SMG6: variants seen among roughly 807,000 people sequenced by gnomAD.
The protein encoded by SMG6 is telomerase-binding protein EST1A.
A neutral mutation model predicts 142.2 loss-of-function variants in SMG6; 66 were observed. The ratio of observed to expected loss-of-function variants is 0.46; its 90% CI spans 0.38 to 0.57. SMG6 has a LOEUF of 0.57. Among genes scored for constraint, SMG6 ranks in the 20% least tolerant of loss-of-function variants. SMG6 has a pLI of 0.00. For synonymous variants in SMG6, 779 were observed against 702.4 expected (o/e 1.11, Z -1.72); for missense variants, 1,793 against 1,832.0 (o/e 0.98, Z 0.39).
At chr17:2,256,788 TAGAC>T (rs34972184) in intron 8 of SMG6, among the ~76,000 whole-genome samples, 87,230 of 151,028 alleles carry the variant, frequency 0.58, 26,357 homozygotes, top group East Asian at 0.75. Context: ...AAAAAATAGA[TAGAC>T]AGATTTGATA....
intron 6 of SMG6, among the ~76,000 whole-genome samples, chr17:2,292,227 T>A (rs1469611976): frequency 2.0e-5 from 3 of 152,168 alleles, no homozygotes; most frequent in African/African-American, 7.2e-5. Flanking sequence ...AGTTGCCTAG[T>A]TCAACAGAAA....
Position 2,299,343 on chromosome 17 carries a change from C to CT in SMG6, c.1409dup (p.Thr471AspfsTer10). On this transcript the variant is annotated frameshift_variant, in exon 2 of 19. Coordinates refer to ENST00000263073, the MANE Select transcript of SMG6 (RefSeq NM_017575.5). LOFTEE classifies it high-confidence loss of function. This position sits in a 1 kb window ranked among gnomAD's most constrained non-coding sequence, Gnocchi z 4.3. ...TGTCCAAGAAATGTAGCTGGGGCGT[C>CT]TGAGTCTTTAGAGCAGGTTTCTGAT... is the stretch of plus-strand genomic sequence containing the variant. 2 of 1,614,088 alleles carry CT rather than the reference C, an allele frequency of 1.2e-6. No individual in the cohort carries two copies. The highest frequency in any genetic ancestry group is 1.7e-5 in the Admixed American group (1 of 60,020).
intron 13 of SMG6, among the ~76,000 whole-genome samples, chr17:2,163,188 T>C (rs528646580): frequency 1.3e-5 from 2 of 152,218 alleles, no homozygotes; most frequent in Admixed American, 6.5e-5. Flanking sequence ...AATACAAAGA[T>C]TATTTTATTT....
chr17:2,200,875 G>A (rs942090127), intron 10 of SMG6, among the ~76,000 whole-genome samples: 4 of 151,912 alleles, frequency 2.6e-5, no homozygotes, highest in Non-Finnish European at 5.9e-5. Context: ...GTGATCCTCC[G>A]GCCTTGAACT....
intron 13 of SMG6, among the ~76,000 whole-genome samples, chr17:2,144,330 A>G (rs8068508): frequency 0.35 from 52,980 of 151,714 alleles, 10,020 homozygotes; most frequent in African/African-American, 0.5. Context: ...GCCTCCCAAC[A>G]TGCTGCGGTT....
intron 13 of SMG6, among the ~76,000 whole-genome samples, chr17:2,142,629 A>T (rs1332779186): frequency 6.6e-6 from 1 of 152,168 alleles, no homozygotes; most frequent in Non-Finnish European, 1.5e-5. Flanking sequence ...CACGCCTGTA[A>T]TCCCAGCACT....
At chr17:2,255,420 A>G (rs921192127) in intron 8 of SMG6, among the ~76,000 whole-genome samples, 3 of 149,688 alleles carry the variant, frequency 2.0e-5, no homozygotes, top group African/African-American at 7.3e-5. Context: ...AAAAAAAAAA[A>G]AAAAAAAAAG....
intron 10 of SMG6, among the ~76,000 whole-genome samples, chr17:2,230,600 CTGGAACCCAGAAG>C (rs1306602002): frequency 1.3e-5 from 2 of 152,126 alleles, no homozygotes; most frequent in Middle Eastern, 3.2e-3. Flanking sequence ...AACAAGGACC[CTGGAACCCAGAAG>C]TGGAAAGACA....
At chr17:2,070,916 C>G (rs1035546192) in intron 15 of SMG6, among the ~76,000 whole-genome samples, 3 of 152,232 alleles carry the variant, frequency 2.0e-5, no homozygotes, top group African/African-American at 7.2e-5. Context: ...GGTCCCTGCT[C>G]AGGTTCAGTA....
At chr17:2,200,065 G>A (rs1267528553) in intron 10 of SMG6, 1 of 151,746 alleles carries the variant, frequency 6.6e-6, no homozygotes, top group Non-Finnish European at 1.5e-5. Flanking sequence ...GGAATTACAA[G>A]TGCCCACCAC....
chr17:2,181,925 G>T (rs1404635007), intron 12 of SMG6, among the ~76,000 whole-genome samples: 1 of 152,354 alleles, frequency 6.6e-6, no homozygotes, highest in South Asian at 2.1e-4. Flanking sequence ...AGAGGGAGGA[G>T]GGATGAAGGG....
chr17:2,299,639 C>A lies in SMG6; in HGVS notation c.1114G>T (p.Asp372Tyr), dbSNP rs781670126. 1.9e-6 allele frequency: 3 copies of A among 1,614,214 alleles called. No homozygotes were observed. Among genetic ancestry groups the A allele is most frequent in the Non-Finnish European group, 1.7e-6 (2 of 1,180,032 alleles). The change falls in exon 2 of 19, where the codon GAT becomes TAT. Residue 372 changes from aspartate to tyrosine, a missense_variant. Physicochemically the swap from Asp to Tyr is radical, Grantham distance 160. This residue lies in a region of SMG6 where 1,597 missense variants were observed against 1,584.6 expected (regional missense o/e 1.01). Transcript: ENST00000263073. The surrounding 1 kb of genome is among the most constrained non-coding windows in gnomAD (Gnocchi z 4.3). ...ESPMVRSARD[D>Y]MDRGKPDKGL... ...TTGTCAGGCTTTCCTCTATCCATAT[C>A]ATCCCTGGCTGACCTCACCATGGGA...
intron 18 of SMG6, chr17:2,061,911 A>C: frequency 2.8e-6 from 1 of 357,016 alleles, no homozygotes. Flanking sequence ...CAGGACCCTA[A>C]ACTGAGGGAA....
intron 16 of SMG6, chr17:2,066,180 AT>A (rs2067937343): frequency 6.0e-6 from 1 of 166,534 alleles, no homozygotes; most frequent in African/African-American, 2.4e-5. Context: ...TCACAGCCTC[AT>A]TTGCAAGGCC....
At chr17:2,196,091 GA>G (rs1417865794) in intron 10 of SMG6, among the ~76,000 whole-genome samples, 1 of 152,112 alleles carries the variant, frequency 6.6e-6, no homozygotes, top group Admixed American at 6.6e-5. Context: ...AGAACGTACG[GA>G]AACGCTATGC....
chr17:2,199,139 T>C (rs74666116), intron 10 of SMG6, among the ~76,000 whole-genome samples: 2 of 152,064 alleles, frequency 1.3e-5, no homozygotes, highest in Non-Finnish European at 2.9e-5. Context: ...TTGCAGAAAC[T>C]GAGCGAGCAG....
intron 13 of SMG6, among the ~76,000 whole-genome samples, chr17:2,148,543 T>C (rs942255369): frequency 2.0e-5 from 3 of 152,202 alleles, no homozygotes; most frequent in African/African-American, 7.2e-5. Context: ...TCCACTTATA[T>C]GAGGTTCACA....
intron 13 of SMG6, among the ~76,000 whole-genome samples, chr17:2,166,238 C>G (rs1276282073): frequency 6.6e-6 from 1 of 151,998 alleles, no homozygotes; most frequent in Non-Finnish European, 1.5e-5. Flanking sequence ...CAACAAAAAA[C>G]TACTGTAGAC....
At chr17:2,200,732 C>T (rs2072495538) in intron 10 of SMG6, among the ~76,000 whole-genome samples, 1 of 152,110 alleles carries the variant, frequency 6.6e-6, no homozygotes, top group African/African-American at 2.4e-5. Context: ...ATGAATGAGA[C>T]AGGCTCTCGC....
Sources: allele counts gnomAD v4.1 joint callset (sites outside exome capture counted in the v4.1 genomes callset), GRCh38; gene constraint gnomAD v4.1.1; regional missense constraint gnomAD v4.1.1; non-coding constraint Gnocchi (gnomAD v3.1); transcripts MANE v1.5; gene names NCBI Gene and HGNC (gene_info 2026-07-23, HGNC 2026-07-21).